Variants in TUSC3 observed in about 807,000 individuals in gnomAD.
TUSC3 encodes dolichyl-diphosphooligosaccharide--protein glycosyltransferase subunit TUSC3.
Under a neutral mutation model 44.8 loss-of-function variants are expected in TUSC3, and 45 were observed. That is an observed-to-expected ratio of 1.00 (90% CI 0.79 to 1.29). TUSC3 has a LOEUF of 1.29. Among genes scored for constraint, TUSC3 ranks in the 50% most tolerant of loss-of-function variants. TUSC3 has a pLI of 0.00. For missense variants in TUSC3, 519 were observed against 437.9 expected (o/e 1.19, Z -1.65); for synonymous variants, 212 against 152.9 (o/e 1.39, Z -2.85).
At position 15,486,695 on chromosome 8, in the gene TUSC3, C is replaced by T. The variant is rs542910979; in HGVS notation, n.189+3212C>T. Among the ~76,000 whole-genome samples the T allele has an allele frequency of 1.5e-4, 23 of 152,054 alleles. 1 individual carries two copies. Among genetic ancestry groups the T allele is most frequent in the African/African-American group, 5.1e-4 (21 of 41,476 alleles). ...CCTGACCTCGTGATTCACCTGCCTC[C>T]GCCTCCCAAAGTGCTGGGATTACAG... On this transcript the variant is annotated intron_variant and non_coding_transcript_variant, in intron 2 of 5. Coordinates refer to the TUSC3 transcript ENST00000503191.
chr8:15,807,021 A>C, the TUSC3 span: 1 of 1,434,080 alleles, frequency 7.0e-7, no homozygotes. Context: ...GTGCTCCTGC[A>C]GACCCTGTAA....
chr8:15,781,829 G>A, the TUSC3 span, among the ~76,000 whole-genome samples: 1 of 152,170 alleles, frequency 6.6e-6, no homozygotes, highest in African/African-American at 2.4e-5. Flanking sequence ...GCCAAACAAA[G>A]CTACTATAAG....
rs187304253 is a variant in TUSC3, at chr8:15,605,673, T to G, written c.139-17407T>G. 1.1e-3 allele frequency among the ~76,000 whole-genome samples: 166 copies of G among 152,070 alleles called. 1 individual carries two copies. The highest frequency in any genetic ancestry group is 0.01 in the Middle Eastern group (3 of 294). On this transcript the variant is annotated intron_variant, in intron 1 of 10. Coordinates refer to ENST00000503731, the MANE Select transcript of TUSC3 (RefSeq NM_006765.4). ...AATGTATATACATACTAGTCTATTT[T>G]CATCGTTTAGTACCATAAGATATAC...
chr8:15,581,662 G>A (rs1803348613), intron 1 of TUSC3, among the ~76,000 whole-genome samples: 1 of 149,276 alleles, frequency 6.7e-6, no homozygotes, highest in South Asian at 2.1e-4. Flanking sequence ...ACTTGAGGAG[G>A]CAGTCTGCCC....
chr8:15,834,161 A>T, the TUSC3 span, among the ~76,000 whole-genome samples: 1 of 152,106 alleles, frequency 6.6e-6, no homozygotes, highest in South Asian at 2.1e-4. Flanking sequence ...AATCTTACCG[A>T]TATTAAAACT....
intron 6 of TUSC3, among the ~76,000 whole-genome samples, chr8:15,689,779 G>A (rs909019589): frequency 8.6e-5 from 13 of 150,716 alleles, no homozygotes; most frequent in African/African-American, 2.0e-4. Context: ...TTTCTGCAAA[G>A]CACATGATCT....
Position 15,472,107 on chromosome 8 carries a change from T to C in TUSC3, n.92-11279T>C, listed in dbSNP as rs991433471. Reference sequence around the variant, plus strand: ...AATCCTTAGCTTTGAGAAAACTTTTTAGGTATATTTTGTAATGGGAATATC... The same window carrying C: ...AATCCTTAGCTTTGAGAAAACTTTTCAGGTATATTTTGTAATGGGAATATC... On this transcript the variant is annotated intron_variant and non_coding_transcript_variant, in intron 1 of 5. Transcript: ENST00000503191. Among the ~76,000 whole-genome samples the C allele has an allele frequency of 2.0e-5, 3 of 152,346 alleles. No homozygotes were observed. In the South Asian group the frequency reaches 6.2e-4, roughly 32 times the overall value.
intron 1 of TUSC3, among the ~76,000 whole-genome samples, chr8:15,617,360 G>A (rs80095027): frequency 0.36 from 54,318 of 151,238 alleles, 9,972 homozygotes; most frequent in East Asian, 0.45. Context: ...GGGTGGTCTC[G>A]AACTCCTGAC....
At chr8:15,612,973 T>C (rs1371909929) in intron 1 of TUSC3, among the ~76,000 whole-genome samples, 1 of 151,648 alleles carries the variant, frequency 6.6e-6, no homozygotes, top group East Asian at 1.9e-4. Flanking sequence ...CAATATATTC[T>C]TTACCATCCC....
At chr8:15,573,202 C>CCCTCTATATATA (rs1802952951) in intron 1 of TUSC3, among the ~76,000 whole-genome samples, 1 of 74,204 alleles carries the variant, frequency 1.3e-5, no homozygotes, top group Non-Finnish European at 2.4e-5. Flanking sequence ...CTCTCTCTCT[C>CCCTCTATATATA]TATATATATA....
At chr8:15,636,166 G>T (rs181519824) in intron 2 of TUSC3, among the ~76,000 whole-genome samples, 1 of 152,182 alleles carries the variant, frequency 6.6e-6, no homozygotes, top group East Asian at 1.9e-4. Context: ...AGCTGTTTCT[G>T]AGGGGAAGCA....
intron 1 of TUSC3, among the ~76,000 whole-genome samples, chr8:15,461,877 A>T (rs1453713719): frequency 2.6e-5 from 4 of 152,104 alleles, no homozygotes; most frequent in Non-Finnish European, 5.9e-5. Context: ...TTTAAAATTT[A>T]CTAAACTACG....
chr8:15,760,442 T>TTAAG (rs1456574578), intron 10 of TUSC3, among the ~76,000 whole-genome samples: 1 of 152,300 alleles, frequency 6.6e-6, no homozygotes, highest in Admixed American at 6.5e-5. Flanking sequence ...CACAACTATT[T>TTAAG]TAAGTTTTAT....
chr8:15,539,331 C>T (rs1161099901), upstream of TUSC3, among the ~76,000 whole-genome samples: 1 of 142,014 alleles, frequency 7.0e-6, no homozygotes, highest in Non-Finnish European at 1.5e-5. Context: ...AACATACAGT[C>T]TGCTGCTATG....
chr8:15,667,465 C>A (rs886366209), intron 5 of TUSC3, among the ~76,000 whole-genome samples: 1 of 151,538 alleles, frequency 6.6e-6, no homozygotes, highest in African/African-American at 2.4e-5. Context: ...ATTTATACCA[C>A]CTGTTTATTA....
intron 1 of TUSC3, among the ~76,000 whole-genome samples, chr8:15,612,275 G>C (rs754590749): frequency 2.6e-5 from 4 of 152,108 alleles, no homozygotes; most frequent in Non-Finnish European, 5.9e-5. Flanking sequence ...CTTGGTTAAA[G>C]ACATGAGACC....
chr8:15,662,877 A>T (rs913043750), intron 5 of TUSC3, among the ~76,000 whole-genome samples: 1 of 151,958 alleles, frequency 6.6e-6, no homozygotes. Context: ...AATCATGACA[A>T]GCTTCCCAGA....
the TUSC3 span, among the ~76,000 whole-genome samples, chr8:15,850,496 G>A: frequency 6.6e-6 from 1 of 152,060 alleles, no homozygotes; most frequent in South Asian, 2.1e-4. Flanking sequence ...ATTTATTGCT[G>A]AAATACTGTT....
the TUSC3 span, among the ~76,000 whole-genome samples, chr8:15,791,438 C>G: frequency 4.6e-5 from 7 of 152,104 alleles, no homozygotes; most frequent in African/African-American, 1.7e-4. Flanking sequence ...ATATGCATAG[C>G]TCTGCTCATC....
Sources: allele counts gnomAD v4.1 joint callset (sites outside exome capture counted in the v4.1 genomes callset), GRCh38; gene constraint gnomAD v4.1.1; transcripts MANE v1.5; gene names NCBI Gene and HGNC (gene_info 2026-07-23, HGNC 2026-07-21).